Variants in FBXO15 observed in about 807,000 individuals in gnomAD.
FBXO15 encodes F-box only protein 15.
A neutral mutation model predicts 49.5 loss-of-function variants in FBXO15; 30 were observed. That is an observed-to-expected ratio of 0.61 (90% confidence interval 0.45 to 0.82). The LOEUF is 0.82. Among genes scored for constraint, FBXO15 ranks in the 40% least tolerant of loss-of-function variants. FBXO15 has a pLI of 0.00. For synonymous variants in FBXO15, 250 were observed against 232.7 expected, an observed-to-expected ratio of 1.07 and a Z score of -0.68; for missense variants, 591 against 631.5, an observed-to-expected ratio of 0.94 and a Z score of 0.69.
Position 74,095,814 on chromosome 18 carries a change from C to T in FBXO15, c.1139-13763G>A, listed in dbSNP as rs982161111. Among the ~76,000 whole-genome samples, 19 of 152,260 alleles carry T rather than the reference C, an allele frequency of 1.2e-4. No homozygotes were observed. The East Asian group carries it at 3.1e-3, about 25-fold the overall frequency. On this transcript the variant is annotated intron_variant, in intron 8 of 9. Transcript: ENST00000419743. ...CTACAATATCTTAGACTTCCAGATC[C>T]AACATGGTAGCACAGAAGCAAGCTG...
intron 2 of FBXO15, among the ~76,000 whole-genome samples, chr18:74,136,320 A>G (rs1028312868): frequency 6.6e-6 from 1 of 152,210 alleles, no homozygotes; most frequent in Non-Finnish European, 1.5e-5. Context: ...CAGCTGGACT[A>G]CAGGCGCACG....
chr18:74,077,694 G>A (rs1330218422), intron 9 of FBXO15, among the ~76,000 whole-genome samples: 3 of 152,180 alleles, frequency 2.0e-5, no homozygotes, highest in African/African-American at 7.2e-5. Flanking sequence ...CTGAGAATGG[G>A]GGAGTTGAAG....
chr18:74,078,235 C>G (rs1027335637), intron 9 of FBXO15, among the ~76,000 whole-genome samples: 1 of 152,150 alleles, frequency 6.6e-6, no homozygotes, highest in East Asian at 1.9e-4. Context: ...CCCTCCTAAC[C>G]TAAAACATGG....
chr18:74,111,745 CA>C (rs1298433491), intron 8 of FBXO15, among the ~76,000 whole-genome samples: 1 of 151,682 alleles, frequency 6.6e-6, no homozygotes, highest in African/African-American at 2.4e-5. Flanking sequence ...TCCATGAAAC[CA>C]AAAGCTGGTT....
At chr18:74,139,509 T>C (rs116670289) in intron 2 of FBXO15, among the ~76,000 whole-genome samples, 1,652 of 152,334 alleles carry the variant, frequency 0.011, 33 homozygotes, top group African/African-American at 0.038. Flanking sequence ...TATACAGATA[T>C]GTACACTGTT....
intron 8 of FBXO15, among the ~76,000 whole-genome samples, chr18:74,084,020 C>T (rs1257056879): frequency 6.6e-6 from 1 of 152,152 alleles, no homozygotes; most frequent in Non-Finnish European, 1.5e-5. Context: ...AGGTCAGATC[C>T]CTGGTCAACG....
chr18:74,143,921 C>T (rs918290719), intron 1 of FBXO15, among the ~76,000 whole-genome samples: 1 of 152,218 alleles, frequency 6.6e-6, no homozygotes, highest in East Asian at 1.9e-4. Flanking sequence ...CAACACTATA[C>T]ATTTAACCTG....
chr18:74,123,495 A>T lies in FBXO15; in HGVS notation c.1011T>A (p.Pro337=). The stretch of plus-strand genomic sequence containing the variant: ...TATCATCCAAAAAGGGGCTATGTGG[A>T]GGCAGTTCATAGGGGCTGAAAAGCA... ...LGSATIPYEL[P]PHSPFLDDSP... The change falls in exon 8 of 10, where the codon CCT becomes CCA. Residue 337 remains proline (P), a synonymous_variant. Coordinates refer to ENST00000419743, the MANE Select transcript of FBXO15 (RefSeq NM_001142958.2). The T allele has an allele frequency of 6.2e-7, 1 of 1,611,118 alleles. No homozygotes were observed.
At chr18:74,091,573 C>T (rs769298395) in intron 8 of FBXO15, among the ~76,000 whole-genome samples, 3 of 152,194 alleles carry the variant, frequency 2.0e-5, no homozygotes, top group Non-Finnish European at 4.4e-5. Context: ...TCTTGTAAGG[C>T]AGGTCTGATG....
chr18:74,104,780 A>G (rs370560831), intron 8 of FBXO15, among the ~76,000 whole-genome samples: 2 of 152,294 alleles, frequency 1.3e-5, no homozygotes, highest in East Asian at 3.9e-4. Flanking sequence ...TCCCAATTAT[A>G]TAAATCAAAT....
At chr18:74,118,253 C>A (rs1353990042) in intron 8 of FBXO15, among the ~76,000 whole-genome samples, 1 of 151,988 alleles carries the variant, frequency 6.6e-6, no homozygotes, top group African/African-American at 2.4e-5. Context: ...CCTGCCTCAG[C>A]CTTTCAAATT....
chr18:74,088,508 T>G (rs1271781396), intron 8 of FBXO15, among the ~76,000 whole-genome samples: 1 of 152,162 alleles, frequency 6.6e-6, no homozygotes, highest in South Asian at 2.1e-4. Context: ...ATCAGATGGT[T>G]GTAGGTGTGT....
intron 2 of FBXO15, among the ~76,000 whole-genome samples, chr18:74,138,574 A>G (rs1978868552): frequency 6.6e-6 from 1 of 151,484 alleles, no homozygotes; most frequent in Non-Finnish European, 1.5e-5. Flanking sequence ...CCCTTTCCCT[A>G]AGCCACCTCA....
chr18:74,103,239 T>C (rs369014296), intron 8 of FBXO15, among the ~76,000 whole-genome samples: 1 of 151,828 alleles, frequency 6.6e-6, no homozygotes, highest in South Asian at 2.1e-4. Flanking sequence ...GAAAAATTCA[T>C]AGGAGGCTCT....
rs1912113404 is a variant in FBXO15, at chr18:74,073,454, C to T, written c.*7G>A. On this transcript the variant is annotated 3_prime_UTR_variant, in exon 10 of 10. Transcript: ENST00000419743. ...ACTAAATAACAACAATAATTTGCCA[C>T]CTACTGCTAATATTCAGTCCCAAAC... 1.2e-6 allele frequency: 2 copies of T among 1,605,684 alleles called. No homozygotes were observed. The highest frequency in any genetic ancestry group is 1.7e-6 in the Non-Finnish European group (2 of 1,175,474).
intron 5 of FBXO15, among the ~76,000 whole-genome samples, chr18:74,128,901 C>T (rs1242448249): frequency 1.3e-5 from 2 of 152,176 alleles, no homozygotes; most frequent in African/African-American, 4.8e-5. Flanking sequence ...ATGCTAAATA[C>T]TATGCCAGTA....
intron 1 of FBXO15, among the ~76,000 whole-genome samples, chr18:74,145,795 TCA>T (rs1354859293): frequency 6.6e-6 from 1 of 152,038 alleles, no homozygotes; most frequent in Non-Finnish European, 1.5e-5. Context: ...AGACGGGGTT[TCA>T]CAGTGTTAGC....
At chr18:74,117,227 C>G (rs1038172114) in intron 8 of FBXO15, among the ~76,000 whole-genome samples, 1 of 152,142 alleles carries the variant, frequency 6.6e-6, no homozygotes. Flanking sequence ...TTGAGTCCAC[C>G]TTGGAAATCC....
At chr18:74,132,106 T>G (rs2145206969) in intron 3 of FBXO15, among the ~76,000 whole-genome samples, 1 of 152,376 alleles carries the variant, frequency 6.6e-6, no homozygotes, top group South Asian at 2.1e-4. Context: ...GCTTTTATAT[T>G]AAAGTGTTTG....
Sources: gnomAD v4.1 joint callset for allele counts (sites outside exome capture counted in the v4.1 genomes callset) on GRCh38, gnomAD v4.1.1 for gene constraint, MANE v1.5 for transcripts, NCBI Gene and HGNC (gene_info 2026-07-23, HGNC 2026-07-21) for gene names.